The following HDAC4 variants were observed in gnomAD, a reference collection of about 807,000 sequenced individuals.
HDAC4 encodes the protein histone deacetylase A.
In HDAC4, 16 loss-of-function variants were observed where a neutral mutation model predicts 135.1. The ratio of observed to expected loss-of-function variants is 0.12; its 90% confidence interval spans 0.08 to 0.18. The LOEUF (loss-of-function observed/expected upper bound fraction) is 0.18. Among genes scored for constraint, HDAC4 ranks in the 10% least tolerant of loss-of-function variants. The pLI is 1.00. For synonymous variants in HDAC4, 685 were observed against 653.4 expected, an observed-to-expected ratio of 1.05 and a Z score of -0.74; for missense variants, 1,143 against 1,511.8, an observed-to-expected ratio of 0.76 and a Z score of 4.05.
At chr2:239,255,848 C>T (rs183664742) in intron 2 of HDAC4, among the ~76,000 whole-genome samples, 7 of 152,310 alleles carry the variant, frequency 4.6e-5, no homozygotes, top group Admixed American at 3.3e-4. Flanking sequence ...CAACATCACA[C>T]GTGCATGTCG....
At chr2:239,364,565 G>T (rs947879260) in intron 1 of HDAC4, among the ~76,000 whole-genome samples, 1 of 110,706 alleles carries the variant, frequency 9.0e-6, no homozygotes, top group African/African-American at 2.9e-5. Context: ...GAGCGGTGGC[G>T]GGGGGAACAC....
chr2:239,204,590 T>C (rs895113439), intron 3 of HDAC4, among the ~76,000 whole-genome samples: 1 of 152,166 alleles, frequency 6.6e-6, no homozygotes, highest in Non-Finnish European at 1.5e-5. Context: ...CAAGAACCCC[T>C]GCTTTCAGGG....
At chr2:239,375,009 G>T (rs1464084506) in intron 1 of HDAC4, among the ~76,000 whole-genome samples, 1 of 152,188 alleles carries the variant, frequency 6.6e-6, no homozygotes, top group Non-Finnish European at 1.5e-5. Context: ...CAGGGCACCT[G>T]GACGGGTGGG....
chr2:239,397,045 G>A (rs1226442263), intron 1 of HDAC4, among the ~76,000 whole-genome samples: 2 of 152,226 alleles, frequency 1.3e-5, no homozygotes, highest in Non-Finnish European at 2.9e-5. Context: ...CCTATGAAAC[G>A]CGCCTGTAAC....
At chr2:239,379,720 C>T (rs560128930) in intron 1 of HDAC4, among the ~76,000 whole-genome samples, 18 of 152,310 alleles carry the variant, frequency 1.2e-4, no homozygotes, top group Middle Eastern at 3.4e-3. Flanking sequence ...GTGGGGTAAG[C>T]GCCCTTTCTC....
At chr2:239,208,065 G>A (rs945495891) in intron 3 of HDAC4, among the ~76,000 whole-genome samples, 29 of 152,064 alleles carry the variant, frequency 1.9e-4, no homozygotes, top group Non-Finnish European at 3.2e-4. Context: ...GCTCACGCCT[G>A]TAATCCCAGC....
At chr2:239,366,280 G>A (rs370050460) in intron 1 of HDAC4, among the ~76,000 whole-genome samples, 24 of 152,040 alleles carry the variant, frequency 1.6e-4, no homozygotes, top group African/African-American at 4.6e-4. Context: ...GAGCAGGGTC[G>A]TCAGGGTCAC....
intron 4 of HDAC4, among the ~76,000 whole-genome samples, chr2:239,182,205 G>T (rs999735864): frequency 6.6e-6 from 1 of 152,296 alleles, no homozygotes; most frequent in South Asian, 2.1e-4. Flanking sequence ...GGGCTTCGGG[G>T]TGCTTCTCAG....
At chr2:239,217,861 G>A (rs1039166794) in intron 3 of HDAC4, among the ~76,000 whole-genome samples, 2 of 152,200 alleles carry the variant, frequency 1.3e-5, no homozygotes, top group African/African-American at 4.8e-5. Context: ...GGCTAAGGCG[G>A]GAGGGGGATC....
At chr2:239,155,933 C>A (rs974669678) in intron 7 of HDAC4, among the ~76,000 whole-genome samples, 3 of 152,200 alleles carry the variant, frequency 2.0e-5, no homozygotes, top group Admixed American at 2.0e-4. Flanking sequence ...CACTCCCTGG[C>A]CCCTGCCCTT....
At chr2:239,215,731 G>T (rs1213657516) in intron 3 of HDAC4, among the ~76,000 whole-genome samples, 4 of 152,166 alleles carry the variant, frequency 2.6e-5, no homozygotes, top group African/African-American at 9.6e-5. Context: ...TTCAAAACAA[G>T]AAAGTGTGGA....
intron 24 of HDAC4, among the ~76,000 whole-genome samples, chr2:239,061,480 TGA>T (rs199887201): frequency 0.015 from 2,308 of 150,106 alleles, 48 homozygotes; most frequent in African/African-American, 0.048. Context: ...TGTGCGTGCA[TGA>T]GAGGGTGCAC....
At chr2:239,244,570 T>C (rs777845992) in intron 2 of HDAC4, among the ~76,000 whole-genome samples, 4 of 152,228 alleles carry the variant, frequency 2.6e-5, no homozygotes, top group Non-Finnish European at 5.9e-5. Context: ...GGCACTCTGA[T>C]GCCCTTGTTC....
intron 2 of HDAC4, among the ~76,000 whole-genome samples, chr2:239,261,644 G>A (rs1464657108): frequency 6.6e-6 from 1 of 152,228 alleles, no homozygotes; most frequent in African/African-American, 2.4e-5. Context: ...CCACGGGCTA[G>A]AGACAAGGCT....
chr2:239,215,827 C>A (rs974164065), intron 3 of HDAC4, among the ~76,000 whole-genome samples: 1 of 152,164 alleles, frequency 6.6e-6, no homozygotes, highest in Non-Finnish European at 1.5e-5. Context: ...TGGGGGTCTG[C>A]GAATCTTGGT....
At chr2:239,337,782 G>A (rs1004917272) in intron 2 of HDAC4, among the ~76,000 whole-genome samples, 2 of 152,174 alleles carry the variant, frequency 1.3e-5, no homozygotes, top group African/African-American at 2.4e-5. Flanking sequence ...GAGCGAGCCA[G>A]GCAGGACAAC....
intron 2 of HDAC4, among the ~76,000 whole-genome samples, chr2:239,282,716 TACACACCACTCTACAATGA>T (rs2050873207): frequency 7.4e-6 from 1 of 134,808 alleles, no homozygotes; most frequent in Admixed American, 7.4e-5. Flanking sequence ...GCAAACAATG[TACACACCACTCTACAATGA>T]ACACAGCACT....
At chr2:239,060,069 C>T (rs1048459589) in intron 24 of HDAC4, among the ~76,000 whole-genome samples, 8 of 152,218 alleles carry the variant, frequency 5.3e-5, no homozygotes, top group South Asian at 2.1e-4. Context: ...AGTCCTCCGC[C>T]GGTGGAAACA....
intron 2 of HDAC4, among the ~76,000 whole-genome samples, chr2:239,237,699 G>A (rs995192674): frequency 4.6e-5 from 7 of 152,134 alleles, no homozygotes; most frequent in Non-Finnish European, 1.0e-4. Flanking sequence ...GGAGATTGGA[G>A]GGCATGCTCT....
Sources: allele counts gnomAD v4.1 joint callset (sites outside exome capture counted in the v4.1 genomes callset), GRCh38; gene constraint gnomAD v4.1.1; transcripts MANE v1.5; gene names NCBI Gene and HGNC (gene_info 2026-07-23, HGNC 2026-07-21).